LRRTM4: variants seen among roughly 807,000 people sequenced by gnomAD.
The protein encoded by LRRTM4 is leucine-rich repeat transmembrane neuronal protein 4.
LRRTM4 carries 25 observed loss-of-function variants against 47.6 expected under a neutral mutation model. That is an observed-to-expected ratio of 0.53 (90% confidence interval 0.38 to 0.73). The LOEUF (loss-of-function observed/expected upper bound fraction) is 0.73. LRRTM4 is among the 30% of genes least tolerant of loss of function. The pLI, the probability that LRRTM4 is intolerant of heterozygous loss-of-function variation, is 0.00. For missense variants in LRRTM4, 638 were observed against 713.4 expected (o/e 0.89, Z 1.20); for synonymous variants, 311 against 269.5 (o/e 1.15, Z -1.51).
chr2:77,067,157 C>T (rs1679983534), intron 3 of LRRTM4, among the ~76,000 whole-genome samples: 1 of 152,166 alleles, frequency 6.6e-6, no homozygotes, highest in African/African-American at 2.4e-5. Flanking sequence ...AAGTGAGTAT[C>T]TGGCAGGAGA....
At chr2:76,913,564 G>T (rs1278803224) in intron 3 of LRRTM4, among the ~76,000 whole-genome samples, 3 of 61,998 alleles carry the variant, frequency 4.8e-5, no homozygotes, top group African/African-American at 1.7e-4. Context: ...TTTTGAGACA[G>T]AGTCTTGCTC....
intron 3 of LRRTM4, among the ~76,000 whole-genome samples, chr2:77,052,150 CTTTTTT>C (rs70939841): frequency 4.7e-5 from 3 of 63,598 alleles, no homozygotes; most frequent in African/African-American, 1.4e-4. Flanking sequence ...GTTACATTTC[CTTTTTT>C]TTTTTTTTTT....
At chr2:77,487,495 G>C (rs1677964889) in intron 3 of LRRTM4, among the ~76,000 whole-genome samples, 1 of 152,192 alleles carries the variant, frequency 6.6e-6, no homozygotes, top group Non-Finnish European at 1.5e-5. Flanking sequence ...ACGAACGCAG[G>C]AGAGAAGCTG....
chr2:76,903,321 G>T (rs141253778), intron 3 of LRRTM4, among the ~76,000 whole-genome samples: 1,580 of 152,298 alleles, frequency 0.01, 31 homozygotes, highest in African/African-American at 0.036. Context: ...TGTATCACGA[G>T]GTCAGGAGAT....
At chr2:76,939,163 T>A (rs890229085) in intron 3 of LRRTM4, among the ~76,000 whole-genome samples, 1 of 149,778 alleles carries the variant, frequency 6.7e-6, no homozygotes, top group African/African-American at 2.5e-5. Flanking sequence ...GAAAAAAAAA[T>A]GGTGATTGTA....
intron 3 of LRRTM4, among the ~76,000 whole-genome samples, chr2:77,417,764 TG>T (rs1316925692): frequency 8.5e-5 from 7 of 82,064 alleles, no homozygotes; most frequent in African/African-American, 2.0e-4. Flanking sequence ...GGCCTGTTGT[TG>T]GGGGGGAAGG....
chr2:77,041,062 C>A (rs1018281528), intron 3 of LRRTM4, among the ~76,000 whole-genome samples: 5 of 151,320 alleles, frequency 3.3e-5, no homozygotes, highest in Non-Finnish European at 7.4e-5. Flanking sequence ...ATCAACCAAC[C>A]CCTCCCCACA....
intron 3 of LRRTM4, among the ~76,000 whole-genome samples, chr2:77,455,889 A>T (rs1195075449): frequency 6.6e-6 from 1 of 152,000 alleles, no homozygotes. Flanking sequence ...CAGAATACTT[A>T]CTTTTATGGC....
At position 77,423,830 on chromosome 2, in the gene LRRTM4, C is replaced by T. The variant is rs137895814; in HGVS notation, c.1551+94488G>A. ...AGATAAGGTAGATGAAAATGGACCC[C>T]GAGTGAGCCAATTCATAGTATAAGA... is the stretch of plus-strand genomic sequence containing the variant. On this transcript the variant is annotated intron_variant, in intron 3 of 3. Coordinates refer to ENST00000409884, the MANE Select transcript of LRRTM4 (RefSeq NM_001134745.3). Among the ~76,000 whole-genome samples the T allele has an allele frequency of 5.9e-4, 90 of 152,148 alleles. 1 individual carries two copies. The highest frequency in any genetic ancestry group is 1.0e-3 in the Non-Finnish European group (69 of 68,010).
At chr2:77,204,067 T>C (rs1266119252) in intron 3 of LRRTM4, among the ~76,000 whole-genome samples, 1 of 152,158 alleles carries the variant, frequency 6.6e-6, no homozygotes, top group Non-Finnish European at 1.5e-5. Flanking sequence ...GGCATTAAAC[T>C]ATGCAGCATA....
intron 3 of LRRTM4, among the ~76,000 whole-genome samples, chr2:77,073,713 G>T (rs1203324956): frequency 1.3e-5 from 2 of 151,932 alleles, no homozygotes; most frequent in Non-Finnish European, 2.9e-5. Flanking sequence ...ATTTCATGTT[G>T]CAGAAAACTC....
At chr2:76,768,153 G>A (rs779792261) in intron 3 of LRRTM4, among the ~76,000 whole-genome samples, 1 of 152,114 alleles carries the variant, frequency 6.6e-6, no homozygotes, top group African/African-American at 2.4e-5. Context: ...TATAATTTAT[G>A]TAAGGCCTTT....
rs144926826 is a variant in LRRTM4 at position 77,184,433 on chromosome 2, G to A, written c.1551+333885C>T. 2.0e-5 allele frequency among the ~76,000 whole-genome samples: 3 copies of A among 152,198 alleles called. No homozygotes were observed. In the East Asian group the frequency reaches 5.8e-4, roughly 29 times the overall value. Reference sequence around the variant, plus strand: ...ACAGAAACAGCTAATTGAAAACTGAGTACCGATTCCCTATAAAAAATGGTA... The same window carrying A: ...ACAGAAACAGCTAATTGAAAACTGAATACCGATTCCCTATAAAAAATGGTA... On this transcript the variant is annotated intron_variant, in intron 3 of 3. Coordinates refer to ENST00000409884, the MANE Select transcript of LRRTM4 (RefSeq NM_001134745.3).
At chr2:77,020,688 A>G (rs1049438582) in intron 3 of LRRTM4, among the ~76,000 whole-genome samples, 1 of 152,164 alleles carries the variant, frequency 6.6e-6, no homozygotes, top group African/African-American at 2.4e-5. Flanking sequence ...TTCTATGACA[A>G]TGAAGCAGCC....
chr2:77,002,296 C>A (rs1260409110), intron 3 of LRRTM4, among the ~76,000 whole-genome samples: 1 of 152,060 alleles, frequency 6.6e-6, no homozygotes, highest in Non-Finnish European at 1.5e-5. Context: ...AATTTGGTGT[C>A]CTACCCAGAT....
chr2:77,412,950 C>T (rs1482865740), intron 3 of LRRTM4, among the ~76,000 whole-genome samples: 1 of 152,094 alleles, frequency 6.6e-6, no homozygotes, highest in African/African-American at 2.4e-5. Context: ...ACTCTCTTAT[C>T]ATTGTTCAGC....
intron 3 of LRRTM4, among the ~76,000 whole-genome samples, chr2:77,006,708 G>A (rs1395628121): frequency 6.6e-6 from 1 of 152,158 alleles, no homozygotes; most frequent in African/African-American, 2.4e-5. Flanking sequence ...GAGACTAGAA[G>A]GGTCTGGAAT....
intron 3 of LRRTM4, among the ~76,000 whole-genome samples, chr2:76,849,424 G>A (rs916103918): frequency 1.3e-5 from 2 of 151,932 alleles, no homozygotes; most frequent in Non-Finnish European, 2.9e-5. Context: ...TACAGAGCTG[G>A]AATATTTCCC....
chr2:76,794,250 TATACTC>T (rs1285145315), intron 3 of LRRTM4, among the ~76,000 whole-genome samples: 3 of 152,198 alleles, frequency 2.0e-5, no homozygotes, highest in Admixed American at 6.5e-5. Context: ...GATTGTTTCT[TATACTC>T]AGAAGAGAGA....
Sources: allele counts gnomAD v4.1 joint callset (sites outside exome capture counted in the v4.1 genomes callset), GRCh38; gene constraint gnomAD v4.1.1; transcripts MANE v1.5; gene names NCBI Gene and HGNC (gene_info 2026-07-23, HGNC 2026-07-21).